SEMA3C: variants seen among roughly 807,000 people sequenced by gnomAD.
SEMA3C encodes semaphorin-3C.
A neutral mutation model predicts 89.4 loss-of-function variants in SEMA3C; 47 were observed. That is an observed-to-expected ratio of 0.53 (90% CI 0.42 to 0.67). The LOEUF is 0.67. SEMA3C is among the 30% of genes least tolerant of loss of function. The probability of loss-of-function intolerance (pLI) is 0.00; values close to 1 mark genes in which losing one functional copy is unlikely to be tolerated. For missense variants in SEMA3C, 839 were observed against 929.1 expected (o/e 0.90, Z 1.26); for synonymous variants, 310 against 320.2 (o/e 0.97, Z 0.34).
chr7:80,746,700 G>A (rs1379185036), intron 17 of SEMA3C, among the ~76,000 whole-genome samples: 2 of 122,678 alleles, frequency 1.6e-5, no homozygotes, highest in African/African-American at 2.8e-5. Flanking sequence ...GGAATCACAT[G>A]TACTGATATT....
rs376695690 is a variant in SEMA3C, at chr7:80,831,052, T to A, written c.104-2307A>T. On this transcript the variant is annotated intron_variant, in intron 2 of 17. Coordinates refer to ENST00000265361, the MANE Select transcript of SEMA3C (RefSeq NM_006379.5). ...GCTTACTTTTATCTCAGGGCTATGA[T>A]TCATGGTTGTGTAAGTCTTCTGTAA... is the stretch of plus-strand genomic sequence containing the variant. Among the ~76,000 whole-genome samples the A allele has an allele frequency of 1.3e-3, 202 of 152,314 alleles. 6 individuals are homozygous for A. In the South Asian group the frequency reaches 0.04, roughly 30 times the overall value.
chr7:80,882,785 C>A (rs934894408), intron 2 of SEMA3C, among the ~76,000 whole-genome samples: 1 of 151,726 alleles, frequency 6.6e-6, no homozygotes, highest in Non-Finnish European at 1.5e-5. Flanking sequence ...GTAAAGACAT[C>A]AAATAGAACC....
chr7:80,790,012 A>G (rs1788898981), intron 11 of SEMA3C, among the ~76,000 whole-genome samples: 1 of 152,144 alleles, frequency 6.6e-6, no homozygotes. Flanking sequence ...TTAGGGGCTT[A>G]GGTGGCTCAG....
intron 15 of SEMA3C, 90 bp downstream of exon 15, chr7:80,758,241 C>T (rs1190566068): frequency 2.9e-6 from 4 of 1,375,796 alleles, no homozygotes; most frequent in Non-Finnish European, 4.0e-6. Context: ...TTTAAGGAAA[C>T]AGCAATAGAA....
Position 80,804,197 on chromosome 7 carries a change from T to G in SEMA3C, c.710A>C (p.Asp237Ala). The G allele has an allele frequency of 6.2e-7, 1 of 1,612,708 alleles. No homozygotes were observed. Among genetic ancestry groups the G allele is most frequent in the Non-Finnish European group, 8.5e-7 (1 of 1,179,106 alleles). Residue 237 changes from aspartate (D) to alanine (A), a missense_variant, in exon 8 of 18, where the codon GAT (aspartate) becomes GCT (alanine). Physicochemically the swap from Asp to Ala is moderately radical, Grantham distance 126 (BLOSUM62 -2). Transcript: ENST00000265361. The part of the protein sequence containing the change: ...HVIPDGTDPN[D>A]AKVYFFFKEK... Reference sequence around the variant, plus strand: ...TTTGAAGAAGAAGTACACCTTAGCATCATTTGGATCAGTACCATCTGGGAT... The same window carrying G: ...TTTGAAGAAGAAGTACACCTTAGCAGCATTTGGATCAGTACCATCTGGGAT...
intron 2 of SEMA3C, among the ~76,000 whole-genome samples, chr7:80,869,759 T>G (rs1791012984): frequency 6.6e-6 from 1 of 152,182 alleles, no homozygotes; most frequent in Non-Finnish European, 1.5e-5. Context: ...TTCTAGTTTC[T>G]GGGGTTCAGA....
upstream of SEMA3C, among the ~76,000 whole-genome samples, chr7:80,921,228 A>T (rs1428964084): frequency 6.6e-6 from 1 of 152,186 alleles, no homozygotes; most frequent in Non-Finnish European, 1.5e-5. Flanking sequence ...AATTCCCTCA[A>T]TATTGCTCAA....
chr7:80,788,577 A>G (rs1411516961), intron 12 of SEMA3C, among the ~76,000 whole-genome samples: 3 of 152,214 alleles, frequency 2.0e-5, no homozygotes, highest in African/African-American at 4.8e-5. Flanking sequence ...CCACTGCTCT[A>G]TAACATACAA....
intron 14 of SEMA3C, among the ~76,000 whole-genome samples, chr7:80,759,930 T>C (rs1788146268): frequency 6.6e-6 from 1 of 152,202 alleles, no homozygotes; most frequent in Admixed American, 6.5e-5. Context: ...TTAAGGATAC[T>C]AGTATATTTG....
At chr7:80,772,959 C>G (rs1010119649) in intron 12 of SEMA3C, among the ~76,000 whole-genome samples, 2 of 152,056 alleles carry the variant, frequency 1.3e-5, no homozygotes, top group African/African-American at 4.8e-5. Context: ...CACATCACAC[C>G]ACAGACATAA....
chr7:80,804,881 T>C (rs1213247447), intron 7 of SEMA3C, among the ~76,000 whole-genome samples: 1 of 152,156 alleles, frequency 6.6e-6, no homozygotes, highest in Non-Finnish European at 1.5e-5. Context: ...TGATTCATGC[T>C]TAACTCTGCA....
chr7:80,793,463 A>C (rs1388877323), intron 11 of SEMA3C: 1 of 451,228 alleles, frequency 2.2e-6, no homozygotes, highest in African/African-American at 2.0e-5. Context: ...ACAAGAATAA[A>C]AAATTACTGT....
At chr7:80,751,514 T>TG (rs367970249) in intron 15 of SEMA3C, among the ~76,000 whole-genome samples, 178 bp from the exon 16 acceptor site, 1,925 of 146,034 alleles carry the variant, frequency 0.013, 24 homozygotes, top group Middle Eastern at 0.024. Flanking sequence ...TTATCAATAA[T>TG]GAGGGGGGGT....
At chr7:80,900,245 C>G (rs1239410274) in intron 2 of SEMA3C, among the ~76,000 whole-genome samples, 3 of 152,066 alleles carry the variant, frequency 2.0e-5, no homozygotes, top group African/African-American at 7.2e-5. Context: ...TCCCGGGTAG[C>G]TGGGACTACA....
At chr7:80,750,473 T>TATAC (rs869227686) in intron 16 of SEMA3C, among the ~76,000 whole-genome samples, 18 of 55,442 alleles carry the variant, frequency 3.2e-4, no homozygotes, top group South Asian at 1.4e-3. Context: ...TATATATATA[T>TATAC]ACACACACAC....
rs1466665111 is a variant in SEMA3C at position 80,914,279 on chromosome 7, G to A, written c.103+2400C>T. Among the ~76,000 whole-genome samples, 4 of 152,198 alleles carry A rather than the reference G, an allele frequency of 2.6e-5. No individual in the cohort carries two copies. The South Asian group carries it at 8.3e-4, about 32-fold the overall frequency. ...CCCATACAAAGCTCTATATTTTGAT[G>A]TTGAGAATAAACTACTTTGGAGGAA... On this transcript the variant is annotated intron_variant, in intron 2 of 17. Coordinates refer to ENST00000265361, the MANE Select transcript of SEMA3C (RefSeq NM_006379.5).
At chr7:80,918,653 AAAG>A (rs1456593508) in intron 1 of SEMA3C, among the ~76,000 whole-genome samples, 172 bp downstream of exon 1, 1 of 152,188 alleles carries the variant, frequency 6.6e-6, no homozygotes, top group African/African-American at 2.4e-5. Context: ...GTCACCGCCT[AAAG>A]AAACAACTCG....
intron 4 of SEMA3C, among the ~76,000 whole-genome samples, chr7:80,826,670 T>C (rs534835247): frequency 6.6e-5 from 10 of 152,262 alleles, no homozygotes; most frequent in African/African-American, 2.4e-4. Flanking sequence ...ACAGGGTGAT[T>C]TTGATGCTTG....
chr7:80,772,574 G>C (rs1012105273), intron 12 of SEMA3C, among the ~76,000 whole-genome samples: 1 of 152,126 alleles, frequency 6.6e-6, no homozygotes, highest in Non-Finnish European at 1.5e-5. Context: ...CTGTATTTGA[G>C]GGGAGGCCCT....
Sources: gnomAD v4.1 joint callset for allele counts (sites outside exome capture counted in the v4.1 genomes callset) on GRCh38, gnomAD v4.1.1 for gene constraint, MANE v1.5 for transcripts, NCBI Gene and HGNC (gene_info 2026-07-23, HGNC 2026-07-21) for gene names.